The following SYT16 variants were observed in gnomAD, a reference collection of about 807,000 sequenced individuals.
The protein encoded by SYT16 is synaptotagmin-16.
Under a neutral mutation model 61.4 loss-of-function variants are expected in SYT16, and 42 were observed. The observed-to-expected ratio is 0.68, with a 90% CI of 0.53 to 0.89. The LOEUF (loss-of-function observed/expected upper bound fraction) is 0.89, where lower values mean the gene tolerates loss of function less well. Ranked by LOEUF, SYT16 falls within the 40% of genes least tolerant of loss-of-function variation. The probability of loss-of-function intolerance (pLI) is 0.00; values close to 1 mark genes in which losing one functional copy is unlikely to be tolerated. For synonymous variants in SYT16, 314 were observed against 302.3 expected (o/e 1.04, Z -0.40); for missense variants, 804 against 807.3 (o/e 1.00, Z 0.05).
At chr14:61,936,444 A>T (rs1566695250) in intron 1 of SYT16, among the ~76,000 whole-genome samples, 1 of 152,040 alleles carries the variant, frequency 6.6e-6, no homozygotes, top group African/African-American at 2.4e-5. Flanking sequence ...GCTGGAAGTG[A>T]CTGACTCCCA....
intron 3 of SYT16, among the ~76,000 whole-genome samples, chr14:62,022,047 T>C (rs2053930197): frequency 6.6e-6 from 1 of 151,848 alleles, no homozygotes; most frequent in Non-Finnish European, 1.5e-5. Flanking sequence ...CTTTTTCTTT[T>C]TTTTTTTTAA....
At chr14:62,039,304 G>C (rs2054624631) in intron 3 of SYT16, among the ~76,000 whole-genome samples, 1 of 152,182 alleles carries the variant, frequency 6.6e-6, no homozygotes, top group Non-Finnish European at 1.5e-5. Context: ...AGGTGCCTTG[G>C]TCATTATGAA....
At position 62,100,539 on chromosome 14, in the gene SYT16, G is replaced by A. The variant is rs371036647; in HGVS notation, c.1770G>A (p.Thr590=). Residue 590 remains threonine (T), a synonymous_variant, in exon 8 of 8, where the codon ACG becomes ACA. Transcript: ENST00000683842. The part of the protein sequence containing the change: ...QVALFQLSDV[T]LMISVYNRRT... Reference sequence around the variant, plus strand: ...CCCTCTTTCAGCTGTCTGATGTCACGTTGATGATTTCCGTTTATAACAGGC... The same window carrying A: ...CCCTCTTTCAGCTGTCTGATGTCACATTGATGATTTCCGTTTATAACAGGC... 138 of 1,613,696 alleles carry A rather than the reference G, an allele frequency of 8.6e-5. No individual in the cohort carries two copies. The highest frequency in any genetic ancestry group is 1.6e-4 in the Middle Eastern group (1 of 6,084).
intron 3 of SYT16, among the ~76,000 whole-genome samples, chr14:62,062,274 C>T (rs930976559): frequency 4.6e-5 from 7 of 151,944 alleles, no homozygotes. Flanking sequence ...TCTTAAGTAG[C>T]CTCAGCCTTA....
At position 62,098,759 on chromosome 14, in the gene SYT16, C is replaced by A. The variant is rs147723535; in HGVS notation, c.1625-1635C>A. On this transcript the variant is annotated intron_variant, in intron 7 of 7. Transcript: ENST00000683842. ...CACTGGAAAACTGCATCTTTGCAGA[C>A]AAATAGGCAGCGATAATACTGGTGA... Among the ~76,000 whole-genome samples, 207 of 152,196 alleles carry A rather than the reference C, an allele frequency of 1.4e-3. 1 individual carries two copies. Among genetic ancestry groups the A allele is most frequent in the Non-Finnish European group, 9.0e-4 (61 of 68,000 alleles).
intron 1 of SYT16, chr14:61,832,498 G>A (rs1186182199): frequency 6.0e-6 from 2 of 335,802 alleles, no homozygotes; most frequent in South Asian, 2.4e-5. Context: ...GCGCAGAGGC[G>A]TGATCTCAGC....
At chr14:62,017,796 C>T (rs1019234225) in intron 3 of SYT16, among the ~76,000 whole-genome samples, 5 of 151,820 alleles carry the variant, frequency 3.3e-5, no homozygotes, top group South Asian at 2.1e-4. Context: ...TCATAGCTCA[C>T]GGCAGCCTTG....
At chr14:61,899,889 C>T (rs954041985) in intron 1 of SYT16, among the ~76,000 whole-genome samples, 1 of 152,162 alleles carries the variant, frequency 6.6e-6, no homozygotes, top group Admixed American at 6.5e-5. Context: ...AGGGGGCACT[C>T]ACTTCCCAAA....
chr14:61,848,223 G>A (rs906978804), intron 1 of SYT16, among the ~76,000 whole-genome samples: 2 of 152,152 alleles, frequency 1.3e-5, no homozygotes, highest in Non-Finnish European at 2.9e-5. Context: ...GGTATTTGAA[G>A]GGATTTGGGT....
intron 1 of SYT16, among the ~76,000 whole-genome samples, chr14:61,899,163 C>T (rs1327329835): frequency 6.6e-6 from 1 of 152,084 alleles, no homozygotes; most frequent in African/African-American, 2.4e-5. Context: ...TCCCATTCTG[C>T]AGAGGAAACT....
chr14:61,890,518 A>G (rs1195599334), intron 1 of SYT16, among the ~76,000 whole-genome samples: 3 of 150,776 alleles, frequency 2.0e-5, no homozygotes, highest in African/African-American at 7.3e-5. Context: ...AAAAAACACT[A>G]TACAATTTTT....
At chr14:61,853,367 G>A (rs1594761382) in intron 1 of SYT16, among the ~76,000 whole-genome samples, 1 of 152,218 alleles carries the variant, frequency 6.6e-6, no homozygotes. Flanking sequence ...TCTGCAATGA[G>A]AAACCTACTG....
chr14:61,853,017 C>T (rs1946099364), intron 1 of SYT16, among the ~76,000 whole-genome samples: 1 of 152,168 alleles, frequency 6.6e-6, no homozygotes, highest in Admixed American at 6.5e-5. Context: ...CTCCCAGGTT[C>T]AAGTGATTCT....
chr14:61,869,804 T>C (rs1566640006), intron 1 of SYT16, among the ~76,000 whole-genome samples: 1 of 152,208 alleles, frequency 6.6e-6, no homozygotes, highest in Non-Finnish European at 1.5e-5. Flanking sequence ...TGTGAGGTTA[T>C]GAAGAGAAGA....
chr14:62,094,778 A>G (rs2057211215), intron 7 of SYT16, among the ~76,000 whole-genome samples: 1 of 152,022 alleles, frequency 6.6e-6, no homozygotes, highest in Admixed American at 6.6e-5. Context: ...GTTTTCAGGA[A>G]GTTCAGGAGT....
chr14:61,935,525 T>C (rs1352759682), intron 1 of SYT16, among the ~76,000 whole-genome samples: 2 of 152,164 alleles, frequency 1.3e-5, no homozygotes, highest in Non-Finnish European at 2.9e-5. Context: ...GGCACCTTGG[T>C]CATTCTCTAA....
intron 3 of SYT16, among the ~76,000 whole-genome samples, chr14:62,047,888 T>C (rs2055068985): frequency 6.6e-6 from 1 of 152,248 alleles, no homozygotes; most frequent in Non-Finnish European, 1.5e-5. Flanking sequence ...AGTATTTTAC[T>C]GAGGATTTTT....
intron 3 of SYT16, among the ~76,000 whole-genome samples, chr14:62,065,078 GC>G (rs1595325771): frequency 6.6e-6 from 1 of 152,114 alleles, no homozygotes; most frequent in African/African-American, 2.4e-5. Context: ...CACTACTACT[GC>G]CCTTTTCACT....
At chr14:61,983,601 CTG>C (rs780773241) in intron 2 of SYT16, among the ~76,000 whole-genome samples, 8 of 152,136 alleles carry the variant, frequency 5.3e-5, no homozygotes, top group Non-Finnish European at 1.0e-4. Context: ...TCATAGCTCA[CTG>C]TGATCTCAAC....
Sources: gnomAD v4.1 joint callset for allele counts (sites outside exome capture counted in the v4.1 genomes callset) on GRCh38, gnomAD v4.1.1 for gene constraint, MANE v1.5 for transcripts, NCBI Gene and HGNC (gene_info 2026-07-23, HGNC 2026-07-21) for gene names.